Variants in PDIA6 observed in about 807,000 individuals in gnomAD.
The protein encoded by PDIA6 is protein disulfide isomerase family A member 6.
A neutral mutation model predicts 58.4 loss-of-function variants in PDIA6; 29 were observed. That is an observed-to-expected ratio of 0.50 (90% CI 0.37 to 0.68). The LOEUF (loss-of-function observed/expected upper bound fraction) is 0.68. PDIA6 is among the 30% of genes least tolerant of loss of function. The pLI is 0.00. For synonymous variants in PDIA6, 192 were observed against 202.6 expected, an observed-to-expected ratio of 0.95 and a Z score of 0.44; for missense variants, 480 against 551.0, an observed-to-expected ratio of 0.87 and a Z score of 1.29.
upstream of PDIA6, chr2:10,812,822 G>T: frequency 8.5e-7 from 1 of 1,181,754 alleles, no homozygotes; most frequent in Non-Finnish European, 1.0e-6. Flanking sequence ...GGGCGGCCGC[G>T]CGGGGGCGGG....
chr2:10,818,623 C>A (rs545043369), intron 2 of PDIA6, among the ~76,000 whole-genome samples: 1 of 151,512 alleles, frequency 6.6e-6, no homozygotes, highest in Admixed American at 6.6e-5. Context: ...TGGGTTCAAG[C>A]GATTCTCCTT....
intron 1 of PDIA6, among the ~76,000 whole-genome samples, chr2:10,829,379 G>A (rs1178180531): frequency 6.6e-6 from 1 of 152,206 alleles, no homozygotes; most frequent in Non-Finnish European, 1.5e-5. Context: ...TTGAGCAGGT[G>A]GGCTCTGCCC....
intron 1 of PDIA6, among the ~76,000 whole-genome samples, chr2:10,809,771 T>C (rs1038932391): frequency 4.6e-5 from 7 of 151,876 alleles, no homozygotes; most frequent in South Asian, 2.1e-4. Flanking sequence ...CTCAGTACAC[T>C]GAGCCTATTG....
At chr2:10,801,038 C>T (rs1007178802) in intron 2 of PDIA6, among the ~76,000 whole-genome samples, 1 of 152,070 alleles carries the variant, frequency 6.6e-6, no homozygotes, top group South Asian at 2.1e-4. Context: ...CAGCACTTTG[C>T]GAGGCCGAGA....
intron 1 of PDIA6, among the ~76,000 whole-genome samples, chr2:10,811,649 G>C (rs568344581): frequency 2.6e-5 from 4 of 152,206 alleles, no homozygotes; most frequent in Non-Finnish European, 2.9e-5. Context: ...AGTAAATAGG[G>C]GGAAGGTGGT....
Position 10,797,131 on chromosome 2 carries a change from G to C in PDIA6, c.296C>G (p.Pro99Arg), listed in dbSNP as rs768574733. 6.2e-7 allele frequency: 1 copy of C among 1,612,964 alleles called. No homozygotes were observed. Among genetic ancestry groups the C allele is most frequent in the Non-Finnish European group, 8.5e-7 (1 of 1,179,062 alleles). The change falls in exon 4 of 13, where the codon CCT becomes CGT. Residue 99 changes from proline (P) to arginine (R), a missense_variant. Transcript: ENST00000272227. ...LGGQYGVQGF[P>R]TIKIFGSNKN... Reference sequence around the variant, plus strand: ...GTTGGATCCAAAAATCTTAATGGTAGGAAATCCCTGAACACCATACTGACC... The same window carrying C: ...GTTGGATCCAAAAATCTTAATGGTACGAAATCCCTGAACACCATACTGACC...
At chr2:10,831,943 G>A (rs1196878130) in intron 1 of PDIA6, among the ~76,000 whole-genome samples, 1 of 142,944 alleles carries the variant, frequency 7.0e-6, no homozygotes, top group Non-Finnish European at 1.5e-5. Flanking sequence ...GCAGAGGCGG[G>A]CAAGCCAGGG....
intron 1 of PDIA6, among the ~76,000 whole-genome samples, chr2:10,822,690 C>CAA (rs1170285397): frequency 6.6e-6 from 1 of 152,220 alleles, no homozygotes; most frequent in Non-Finnish European, 1.5e-5. Context: ...TCTAATAAGT[C>CAA]AAACAGGTAG....
intron 1 of PDIA6, among the ~76,000 whole-genome samples, chr2:10,825,350 C>T (rs1381886761): frequency 6.6e-6 from 1 of 152,074 alleles, no homozygotes; most frequent in African/African-American, 2.4e-5. Context: ...AGAATCCTGA[C>T]TAATACGGTA....
At chr2:10,800,048 C>A (rs572486872) in intron 2 of PDIA6, among the ~76,000 whole-genome samples, 1 of 152,048 alleles carries the variant, frequency 6.6e-6, no homozygotes, top group Admixed American at 6.6e-5. Flanking sequence ...AATTTCCTTA[C>A]GAATGTAAAC....
chr2:10,813,897 G>T (rs2148568815), upstream of PDIA6, among the ~76,000 whole-genome samples: 1 of 151,914 alleles, frequency 6.6e-6, no homozygotes, highest in East Asian at 1.9e-4. Context: ...GCTAATTTTT[G>T]TATTTTTAGC....
intron 12 of PDIA6, chr2:10,784,629 ATTTTCTAT>A (rs1156908487): frequency 6.0e-6 from 3 of 501,586 alleles, no homozygotes; most frequent in African/African-American, 5.8e-5. Flanking sequence ...CAAAGCTATC[ATTTTCTAT>A]TTTTCTAAGA....
chr2:10,812,322 G>T (rs1667030900), intron 1 of PDIA6, among the ~76,000 whole-genome samples: 1 of 140,380 alleles, frequency 7.1e-6, no homozygotes, highest in Non-Finnish European at 1.6e-5. Flanking sequence ...GAAGAGCCCG[G>T]AACAAGCTCC....
At chr2:10,789,198 G>A (rs527549395) in intron 8 of PDIA6, among the ~76,000 whole-genome samples, 14 of 152,324 alleles carry the variant, frequency 9.2e-5, no homozygotes, top group African/African-American at 3.4e-4. Flanking sequence ...TGGAGGTGGG[G>A]TGATTAGCAC....
intron 1 of PDIA6, chr2:10,821,013 G>T: frequency 1.7e-6 from 1 of 575,586 alleles, no homozygotes; most frequent in Non-Finnish European, 3.1e-6. Flanking sequence ...GAAGGGGAGG[G>T]GGGTGGATTC....
chr2:10,828,762 G>A (rs1281666244), intron 1 of PDIA6, among the ~76,000 whole-genome samples: 2 of 152,222 alleles, frequency 1.3e-5, no homozygotes, highest in Non-Finnish European at 2.9e-5. Flanking sequence ...TGCTACACTG[G>A]AAACCCCTGC....
intron 1 of PDIA6, among the ~76,000 whole-genome samples, chr2:10,802,855 T>A (rs1406605627): frequency 1.3e-5 from 2 of 152,184 alleles, no homozygotes; most frequent in Non-Finnish European, 2.9e-5. Flanking sequence ...CGGTCCCCAC[T>A]CCCACTCCTT....
At chr2:10,831,904 T>A (rs1667719790) in intron 1 of PDIA6, among the ~76,000 whole-genome samples, 1 of 150,028 alleles carries the variant, frequency 6.7e-6, no homozygotes, top group Admixed American at 6.7e-5. Context: ...TCTCTCCTCA[T>A]GTGCCAGGCT....
intron 1 of PDIA6, among the ~76,000 whole-genome samples, chr2:10,812,453 C>G (rs1421435129): frequency 6.6e-6 from 1 of 151,778 alleles, no homozygotes; most frequent in African/African-American, 2.4e-5. Context: ...TCCCGCCCCC[C>G]GCGGCTGCGG....
Sources: gnomAD v4.1 joint callset for allele counts (sites outside exome capture counted in the v4.1 genomes callset) on GRCh38, gnomAD v4.1.1 for gene constraint, MANE v1.5 for transcripts, NCBI Gene and HGNC (gene_info 2026-07-23, HGNC 2026-07-21) for gene names.